Variants in PTN observed in about 807,000 individuals in gnomAD.
PTN encodes pleiotrophin.
PTN carries 18 observed loss-of-function variants against 24.1 expected under a neutral mutation model. That is an observed-to-expected ratio of 0.75 (90% CI 0.52 to 1.11). The LOEUF is 1.11. Among genes scored for constraint, PTN ranks in the 50% least tolerant of loss-of-function variants. The pLI, the probability that PTN is intolerant of heterozygous loss-of-function variation, is 0.00. For synonymous variants in PTN, 78 were observed against 68.6 expected (o/e 1.14, Z -0.67); for missense variants, 163 against 198.8 (o/e 0.82, Z 1.08).
At chr7:137,269,622 C>CTTTTTTTTTTT (rs1194863462) in intron 1 of PTN, among the ~76,000 whole-genome samples, 1 of 106,062 alleles carries the variant, frequency 9.4e-6, no homozygotes, top group African/African-American at 4.5e-5. Context: ...GCTGCTTCAT[C>CTTTTTTTTTTT]TATTTTTTTT....
chr7:137,306,299 G>A (rs1259410726), intron 1 of PTN, among the ~76,000 whole-genome samples: 3 of 152,034 alleles, frequency 2.0e-5, no homozygotes, highest in Non-Finnish European at 4.4e-5. Flanking sequence ...AGCTTTGACA[G>A]GGTGACATCA....
chr7:137,244,374 A>AT (rs1242182641), intron 4 of PTN, among the ~76,000 whole-genome samples: 1,504 of 131,138 alleles, frequency 0.011, 6 homozygotes, highest in African/African-American at 0.025. Flanking sequence ...TCTCCTCAGA[A>AT]TTTTTTTTTT....
intron 1 of PTN, among the ~76,000 whole-genome samples, chr7:137,289,984 T>C (rs1257919063): frequency 6.6e-6 from 1 of 152,216 alleles, no homozygotes; most frequent in Non-Finnish European, 1.5e-5. Context: ...GATAAAGACA[T>C]ACTGGAGACC....
At chr7:137,308,455 A>G (rs925625150) in intron 1 of PTN, among the ~76,000 whole-genome samples, 2 of 152,172 alleles carry the variant, frequency 1.3e-5, no homozygotes, top group Non-Finnish European at 2.9e-5. Flanking sequence ...TAGTTTCTCA[A>G]TTTGGATGAC....
intron 1 of PTN, among the ~76,000 whole-genome samples, chr7:137,337,700 T>C (rs1810471528): frequency 6.6e-6 from 1 of 152,172 alleles, no homozygotes; most frequent in South Asian, 2.1e-4. Context: ...CCAGCAAGCC[T>C]ATATGACATT....
At chr7:137,263,547 C>T (rs1809081133) in intron 1 of PTN, among the ~76,000 whole-genome samples, 1 of 152,144 alleles carries the variant, frequency 6.6e-6, no homozygotes, top group Non-Finnish European at 1.5e-5. Context: ...AGCCTGCAAC[C>T]ATATGATTCA....
intron 1 of PTN, 81 bp from the exon 2 acceptor site, chr7:137,255,055 G>A: frequency 3.3e-6 from 3 of 914,278 alleles, no homozygotes; most frequent in Non-Finnish European, 4.7e-6. Context: ...TGATGAAAAG[G>A]CTCCACTTTC....
Position 137,321,201 on chromosome 7 carries a change from A to C in PTN, c.-2+22238T>G, listed in dbSNP as rs74754088. On this transcript the variant is annotated intron_variant, in intron 1 of 4. Transcript: ENST00000348225. Reference sequence around the variant, plus strand: ...AGCAAAGACCCTGCATGTTCACCACATTCTCTCTCCTCTGAACTCTGAGGT... The same window carrying C: ...AGCAAAGACCCTGCATGTTCACCACCTTCTCTCTCCTCTGAACTCTGAGGT... Among the ~76,000 whole-genome samples, 596 of 152,256 alleles carry C rather than the reference A, an allele frequency of 3.9e-3. 3 individuals are homozygous for C. Among genetic ancestry groups the C allele is most frequent in the African/African-American group, 0.013 (548 of 41,564 alleles).
At chr7:137,288,560 T>TTCC (rs931825103) in intron 1 of PTN, among the ~76,000 whole-genome samples, 2 of 152,208 alleles carry the variant, frequency 1.3e-5, no homozygotes, top group African/African-American at 4.8e-5. Context: ...CTGAATTTTA[T>TTCC]CTAAAGCTAA....
chr7:137,244,429 G>A (rs1023494726), intron 4 of PTN, among the ~76,000 whole-genome samples: 8 of 139,496 alleles, frequency 5.7e-5, no homozygotes, highest in Non-Finnish European at 9.0e-5. Context: ...TGTGCACAAC[G>A]TGCAGGTTTG....
chr7:137,282,723 A>G (rs558805377), intron 1 of PTN, among the ~76,000 whole-genome samples: 1 of 152,350 alleles, frequency 6.6e-6, no homozygotes, highest in East Asian at 1.9e-4. Context: ...TGCTGTATTT[A>G]AAAGTCATCT....
chr7:137,261,872 G>A (rs941966644), intron 1 of PTN, among the ~76,000 whole-genome samples: 1 of 152,116 alleles, frequency 6.6e-6, no homozygotes, highest in Non-Finnish European at 1.5e-5. Context: ...CTGCATGTGG[G>A]GCAGGGCCCT....
At chr7:137,243,982 T>A (rs1041132982) in intron 4 of PTN, among the ~76,000 whole-genome samples, 2 of 152,182 alleles carry the variant, frequency 1.3e-5, no homozygotes, top group Non-Finnish European at 2.9e-5. Flanking sequence ...CTTTGAACTA[T>A]ATAATACCCT....
At chr7:137,231,246 T>C (rs937240297) in intron 4 of PTN, among the ~76,000 whole-genome samples, 5 of 151,958 alleles carry the variant, frequency 3.3e-5, no homozygotes, top group African/African-American at 1.2e-4. Flanking sequence ...AACATGGTGA[T>C]AATATGTCTC....
chr7:137,312,172 T>G (rs571991109), intron 1 of PTN, among the ~76,000 whole-genome samples: 1 of 152,330 alleles, frequency 6.6e-6, no homozygotes, highest in South Asian at 2.1e-4. Context: ...TATTAATTGT[T>G]GTCAATTTTG....
intron 1 of PTN, among the ~76,000 whole-genome samples, chr7:137,319,399 G>T (rs1585043229): frequency 6.6e-6 from 1 of 152,150 alleles, no homozygotes; most frequent in Non-Finnish European, 1.5e-5. Context: ...TCCAAAGCGG[G>T]CATGACTTTA....
chr7:137,304,684 T>C lies in PTN; in HGVS notation c.-2+38755A>G, dbSNP rs574203935. On this transcript the variant is annotated intron_variant, in intron 1 of 4. Transcript: ENST00000348225. ...AGCAGCATAGCACATCTCTCCAAAC[T>C]GAATTATATATAAGGGGTTAATAGT... Among the ~76,000 whole-genome samples, 156 of 152,096 alleles carry C rather than the reference T, an allele frequency of 1.0e-3. 6 individuals are homozygous for C. Among genetic ancestry groups the C allele is most frequent in the South Asian group, 6.4e-3 (31 of 4,822 alleles).
intron 4 of PTN, chr7:137,236,047 A>G: frequency 1.6e-6 from 1 of 620,922 alleles, no homozygotes; most frequent in East Asian, 2.7e-5. Flanking sequence ...AGTAGATTTA[A>G]TAGAAGGTTT....
chr7:137,227,923 G>C lies in PTN; in HGVS notation c.*97C>G. On this transcript the variant is annotated 3_prime_UTR_variant, in exon 5 of 5. Coordinates refer to ENST00000348225, the MANE Select transcript of PTN (RefSeq NM_002825.7). The stretch of plus-strand genomic sequence containing the variant: ...TTTGCTTATTGTGTACTTAGCTATA[G>C]ATAATTTTTGAATACAAAGCCTACG... 1 of 1,489,174 alleles carries C rather than the reference G, an allele frequency of 6.7e-7. No individual in the cohort carries two copies. The allele number at this position is 1,489,174 out of a possible 1,614,324, so 92.2% of individuals were successfully genotyped here.
Sources: allele counts gnomAD v4.1 joint callset (sites outside exome capture counted in the v4.1 genomes callset), GRCh38; gene constraint gnomAD v4.1.1; transcripts MANE v1.5; gene names NCBI Gene and HGNC (gene_info 2026-07-23, HGNC 2026-07-21).